The following FBXW8 variants were observed in gnomAD, a reference collection of about 807,000 sequenced individuals.
The protein encoded by FBXW8 is F-box/WD repeat-containing protein 8.
A neutral mutation model predicts 65.3 loss-of-function variants in FBXW8; 57 were observed. That is an observed-to-expected ratio of 0.87 (90% CI 0.71 to 1.09). The LOEUF (loss-of-function observed/expected upper bound fraction) is 1.09. Ranked by LOEUF, FBXW8 falls within the 50% of genes least tolerant of loss-of-function variation. The probability of loss-of-function intolerance (pLI) is 0.00; values close to 1 mark genes in which losing one functional copy is unlikely to be tolerated. For synonymous variants in FBXW8, 308 were observed against 330.2 expected (o/e 0.93, Z 0.73); for missense variants, 777 against 814.8 (o/e 0.95, Z 0.57).
chr12:116,987,484 A>T (rs1380800512), intron 6 of FBXW8: 1 of 152,264 alleles, frequency 6.6e-6, no homozygotes, highest in African/African-American at 2.4e-5. Flanking sequence ...GCGGTGACGC[A>T]GTCAGGACTG....
chr12:117,020,410 G>A (rs539965268), intron 8 of FBXW8, among the ~76,000 whole-genome samples: 6 of 152,194 alleles, frequency 3.9e-5, no homozygotes, highest in African/African-American at 7.2e-5. Context: ...TCATCAGTTC[G>A]GGAAACATCA....
intron 1 of FBXW8, among the ~76,000 whole-genome samples, chr12:116,918,264 G>T (rs1366267921): frequency 6.6e-6 from 1 of 152,182 alleles, no homozygotes; most frequent in Non-Finnish European, 1.5e-5. Flanking sequence ...ATATACCTGA[G>T]TATAATTGCA....
At chr12:117,011,233 C>T (rs578245001) in intron 8 of FBXW8, among the ~76,000 whole-genome samples, 8 of 151,434 alleles carry the variant, frequency 5.3e-5, no homozygotes, top group African/African-American at 1.7e-4. Context: ...CCCCTGGGCC[C>T]GGCCCCGGGC....
At chr12:116,958,491 G>A (rs1388551352) in intron 4 of FBXW8, among the ~76,000 whole-genome samples, 1 of 152,198 alleles carries the variant, frequency 6.6e-6, no homozygotes, top group Non-Finnish European at 1.5e-5. Context: ...TCCATCTTCT[G>A]GGTTTAAGTC....
At chr12:116,981,282 C>T (rs891334941) in intron 5 of FBXW8, among the ~76,000 whole-genome samples, 4 of 152,208 alleles carry the variant, frequency 2.6e-5, no homozygotes, top group African/African-American at 4.8e-5. Context: ...TCTATTCCTG[C>T]CCACTCTGCC....
At chr12:116,973,479 A>C (rs1233562384) in intron 5 of FBXW8, among the ~76,000 whole-genome samples, 1 of 152,244 alleles carries the variant, frequency 6.6e-6, no homozygotes. Flanking sequence ...ATTTAACATC[A>C]TCAGTAATGG....
At chr12:116,986,169 C>T (rs183214073) in intron 6 of FBXW8, 22 of 152,226 alleles carry the variant, frequency 1.4e-4, no homozygotes, top group African/African-American at 4.8e-4. Context: ...GACCTGGAAC[C>T]AATCCTGTTC....
intron 5 of FBXW8, among the ~76,000 whole-genome samples, chr12:116,970,904 C>G (rs1314764927): frequency 1.3e-5 from 2 of 151,970 alleles, no homozygotes; most frequent in Non-Finnish European, 2.9e-5. Flanking sequence ...ACCCTTAGGT[C>G]CAGGAATCTA....
At chr12:116,967,685 GT>G (rs1454132792) in intron 5 of FBXW8, among the ~76,000 whole-genome samples, 3 of 152,228 alleles carry the variant, frequency 2.0e-5, no homozygotes, top group Non-Finnish European at 2.9e-5. Flanking sequence ...CTTTTGGGTT[GT>G]CATCTTTTCT....
intron 4 of FBXW8, among the ~76,000 whole-genome samples, chr12:116,960,620 G>T (rs1221672646): frequency 6.6e-6 from 1 of 152,150 alleles, no homozygotes. Context: ...TGTACATTCT[G>T]GGTGTTTCAC....
chr12:116,964,174 T>C (rs918056998), intron 4 of FBXW8, among the ~76,000 whole-genome samples: 4 of 152,222 alleles, frequency 2.6e-5, no homozygotes, highest in Admixed American at 2.6e-4. Flanking sequence ...AGGCAAGATT[T>C]AATTGTTTCA....
In FBXW8 at chr12:117,030,937, A is replaced by G. The variant is rs1490520808; in HGVS notation, c.*2765A>G. ...TTTCACAAACAAGTTCTGAGTTTTT[A>G]GCCAATTGATCCTCTACTTTCCTTC... is the stretch of plus-strand genomic sequence containing the variant. On this transcript the variant is annotated 3_prime_UTR_variant, in exon 11 of 11. Transcript: ENST00000652555. 6.6e-6 allele frequency: 1 copy of G among 152,060 alleles called. No individual in the cohort carries two copies. The highest frequency in any genetic ancestry group is 1.5e-5 in the Non-Finnish European group (1 of 68,026). The allele number at this position is 152,060 out of a possible 1,614,324, so 9.4% of individuals were successfully genotyped here. A position where few individuals can be genotyped will look rare whatever the true frequency, so the allele number is the denominator to read the frequency against.
At chr12:116,947,201 G>T (rs758771854) in intron 3 of FBXW8, among the ~76,000 whole-genome samples, 2 of 152,158 alleles carry the variant, frequency 1.3e-5, no homozygotes, top group Admixed American at 6.5e-5. Flanking sequence ...TGTCTATTTA[G>T]TATTTATTTC....
Position 117,027,311 on chromosome 12 carries a change from G to C in FBXW8, c.1542-83G>C, listed in dbSNP as rs1464895283. On this transcript the variant is annotated intron_variant, in intron 9 of 10. Coordinates refer to ENST00000652555, the MANE Select transcript of FBXW8 (RefSeq NM_153348.3). ...AGCTTTATGGGTTCTAGAATCCCCT[G>C]CAGCTCTGAACTCCCAGGCCTGCGG... is the stretch of plus-strand genomic sequence containing the variant. 8 of 1,005,908 alleles carry C rather than the reference G, an allele frequency of 8.0e-6. No homozygotes were observed. The East Asian group carries it at 1.4e-4, about 18-fold the overall frequency. The allele number at this position is 1,005,908 out of a possible 1,614,324, so 62.3% of individuals were successfully genotyped here.
At chr12:117,016,094 C>T (rs945109851) in intron 8 of FBXW8, among the ~76,000 whole-genome samples, 1 of 152,184 alleles carries the variant, frequency 6.6e-6, no homozygotes, top group Non-Finnish European at 1.5e-5. Flanking sequence ...ATTTGGGTTG[C>T]TTCCACCTTT....
intron 8 of FBXW8, 96 bp downstream of exon 8, chr12:117,010,546 C>G: frequency 6.5e-7 from 1 of 1,536,776 alleles, no homozygotes; most frequent in South Asian, 1.1e-5. Context: ...TCTCACTCAA[C>G]AGCTCTGCCC....
chr12:117,004,143 A>G (rs1464316459), intron 7 of FBXW8, among the ~76,000 whole-genome samples: 1 of 152,172 alleles, frequency 6.6e-6, no homozygotes, highest in Non-Finnish European at 1.5e-5. Context: ...TCGGTATTCC[A>G]GTCCACAGTT....
At chr12:116,977,854 C>T (rs1479628034) in intron 5 of FBXW8, 1 of 152,194 alleles carries the variant, frequency 6.6e-6, no homozygotes, top group Non-Finnish European at 1.5e-5. Context: ...TAACAATATA[C>T]TATTTGCCTC....
chr12:116,959,698 A>G (rs1000303306), intron 4 of FBXW8, among the ~76,000 whole-genome samples: 2 of 152,210 alleles, frequency 1.3e-5, no homozygotes, highest in East Asian at 3.8e-4. Context: ...TTACTAGTTA[A>G]TGAAAGCTCT....
Sources: gnomAD v4.1 joint callset for allele counts (sites outside exome capture counted in the v4.1 genomes callset) on GRCh38, gnomAD v4.1.1 for gene constraint, MANE v1.5 for transcripts, NCBI Gene and HGNC (gene_info 2026-07-23, HGNC 2026-07-21) for gene names.